The following PCDHGB5 variants were observed in gnomAD, a reference collection of about 807,000 sequenced individuals.
PCDHGB5 encodes protocadherin gamma subfamily B, 5, also known as protocadherin gamma-B5.
A neutral mutation model predicts 62.9 loss-of-function variants in PCDHGB5; 48 were observed. That is an observed-to-expected ratio of 0.76 (90% confidence interval 0.61 to 0.97). PCDHGB5 has a LOEUF of 0.97. PCDHGB5 is among the 50% of genes least tolerant of loss of function. PCDHGB5 has a pLI of 0.00. For missense variants in PCDHGB5, 1,118 were observed against 1,198.6 expected, an observed-to-expected ratio of 0.93 and a Z score of 0.99; for synonymous variants, 474 against 511.2, an observed-to-expected ratio of 0.93 and a Z score of 0.98.
intron 1 of PCDHGB5, among the ~76,000 whole-genome samples, chr5:141,471,692 C>A (rs1293253544): frequency 6.6e-6 from 1 of 152,118 alleles, no homozygotes; most frequent in African/African-American, 2.4e-5. Context: ...TTCTGAAATT[C>A]TGGCTGGAAT....
At chr5:141,414,313 T>C in intron 1 of PCDHGB5, 1 of 1,613,748 alleles carries the variant, frequency 6.2e-7, no homozygotes, top group Non-Finnish European at 8.5e-7. Context: ...TGATTTAGAC[T>C]CTGAGCAGAA....
intron 3 of PCDHGB5, among the ~76,000 whole-genome samples, chr5:141,509,335 G>C (rs113423267): frequency 6.6e-6 from 1 of 152,144 alleles, no homozygotes; most frequent in African/African-American, 2.4e-5. Context: ...CTGCCAGCTG[G>C]GCCTGGGCTG....
intron 1 of PCDHGB5, chr5:141,419,303 G>A (rs1561779463): frequency 1.2e-6 from 2 of 1,613,970 alleles, no homozygotes; most frequent in Non-Finnish European, 1.7e-6. Flanking sequence ...CCCAGACTTC[G>A]GGCTCAACGG....
intron 1 of PCDHGB5, chr5:141,419,146 GCCT>G: frequency 6.2e-7 from 1 of 1,613,922 alleles, no homozygotes; most frequent in East Asian, 2.2e-5. Context: ...ACAGGGGCAA[GCCT>G]CCGTTATCCT....
intron 1 of PCDHGB5, among the ~76,000 whole-genome samples, chr5:141,435,794 C>T (rs993951734): frequency 2.6e-5 from 4 of 151,934 alleles, no homozygotes; most frequent in Admixed American, 6.6e-5. Flanking sequence ...GGAAACATAA[C>T]GTCCCAATTA....
At position 141,490,176 on chromosome 5, in the gene PCDHGB5, G is replaced by T. The variant is rs758876319; in HGVS notation, c.2398-4631G>T. On this transcript the variant is annotated intron_variant, in intron 1 of 3. Transcript: ENST00000617380. This position sits in a 1 kb window ranked among gnomAD's most constrained non-coding sequence, Gnocchi z 5.4. ...TGTTGGGTCCCATAGACTTTGAGGAGTCACGTTTCTATGAAATTCATGCAA... is the reference window on the plus strand; with the variant it reads ...TGTTGGGTCCCATAGACTTTGAGGATTCACGTTTCTATGAAATTCATGCAA... 12 of 1,614,100 alleles carry T rather than the reference G, an allele frequency of 7.4e-6. No homozygotes were observed. Among genetic ancestry groups the T allele is most frequent in the Non-Finnish European group, 1.0e-5 (12 of 1,180,046 alleles).
intron 1 of PCDHGB5, chr5:141,409,794 C>T (rs1345529657): frequency 1.9e-6 from 3 of 1,611,732 alleles, no homozygotes; most frequent in South Asian, 1.1e-5. Flanking sequence ...TTCGCGCTCA[C>T]GCTGCAGGCC....
intron 1 of PCDHGB5, chr5:141,409,987 C>T: frequency 3.1e-6 from 5 of 1,613,288 alleles, no homozygotes; most frequent in Non-Finnish European, 4.2e-6. Context: ...TAGCGGTGGA[C>T]GCCGACTCGG....
rs199552905 is a variant in PCDHGB5 at position 141,423,400 on chromosome 5, C to A, written c.2397+22876C>A. On this transcript the variant is annotated intron_variant, in intron 1 of 3. Transcript: ENST00000617380. Reference sequence around the variant, plus strand: ...GCTGTGGCGCTGGCATAAGTCACGCCTGCTGCAGGCTTCTGAAGGCGGGTT... The same window carrying A: ...GCTGTGGCGCTGGCATAAGTCACGCATGCTGCAGGCTTCTGAAGGCGGGTT... 62 of 1,614,152 alleles carry A rather than the reference C, an allele frequency of 3.8e-5. No homozygotes were observed. The African/African-American group carries it at 6.9e-4, about 18-fold the overall frequency.
intron 1 of PCDHGB5, among the ~76,000 whole-genome samples, chr5:141,452,145 C>T (rs1414317332): frequency 6.6e-6 from 1 of 152,020 alleles, no homozygotes; most frequent in Non-Finnish European, 1.5e-5. Flanking sequence ...GTGTTTTTTC[C>T]AATGAGTTAT....
chr5:141,470,100 G>A (rs1259251144), intron 1 of PCDHGB5, among the ~76,000 whole-genome samples: 2 of 152,178 alleles, frequency 1.3e-5, no homozygotes, highest in African/African-American at 4.8e-5. Context: ...CTACATTCCA[G>A]TCTGAGCAAC....
intron 1 of PCDHGB5, among the ~76,000 whole-genome samples, chr5:141,483,648 T>TTGTGTGTG (rs111458813): frequency 0.019 from 2,886 of 149,692 alleles, 51 homozygotes; most frequent in African/African-American, 0.054. Flanking sequence ...GGGTGTGTGT[T>TTGTGTGTG]TGTGTGTGTG....
rs768383792 is a variant in PCDHGB5 at position 141,476,155 on chromosome 5, C to A, written c.2398-18652C>A. 1.2e-6 allele frequency: 2 copies of A among 1,612,382 alleles called. No homozygotes were observed. Among genetic ancestry groups the A allele is most frequent in the Non-Finnish European group, 1.7e-6 (2 of 1,179,764 alleles). On this transcript the variant is annotated intron_variant, in intron 1 of 3. Coordinates refer to ENST00000617380, the MANE Select transcript of PCDHGB5 (RefSeq NM_018925.3). This position sits in a 1 kb window ranked among gnomAD's most constrained non-coding sequence, Gnocchi z 7.6. ...CCTGGAGGAGCGGACTGGTAAGCAC[C>A]GGGAGGGTAGTGGGAGTTTTGCTTC... is the stretch of plus-strand genomic sequence containing the variant.
Position 141,399,048 on chromosome 5 carries a change from G to C in PCDHGB5, c.921G>C (p.Glu307Asp), listed in dbSNP as rs779434482. 7 of 1,613,830 alleles carry C rather than the reference G, an allele frequency of 4.3e-6. No individual in the cohort carries two copies. Among genetic ancestry groups the C allele is most frequent in the Non-Finnish European group, 5.1e-6 (6 of 1,179,828 alleles). ...CTCAAAAGAAACTGGATTTTGAAGA[G>C]ACCAAGGAATATTCAATGGTTGTAG... ...ITTQKKLDFEETKEYSMVVEG... is the reference protein window; with the variant it reads ...ITTQKKLDFEDTKEYSMVVEG... The change falls in exon 1 of 4, where the codon GAG becomes GAC. Residue 307 changes from glutamate to aspartate, a missense_variant. Transcript: ENST00000617380.
chr5:141,428,744 T>C (rs939886054), intron 1 of PCDHGB5: 10 of 155,306 alleles, frequency 6.4e-5, no homozygotes, highest in African/African-American at 2.4e-4. Context: ...ATATCTACTA[T>C]TGCTTCAGGT....
Position 141,505,420 on chromosome 5 carries a change from C to G in PCDHGB5, c.2484C>G (p.Thr828=), listed in dbSNP as rs1236398971. 6.2e-7 allele frequency: 1 copy of G among 1,614,102 alleles called. No individual in the cohort carries two copies. Among genetic ancestry groups the G allele is most frequent in the Non-Finnish European group, 8.5e-7 (1 of 1,180,034 alleles). ...SGSQNGDDTG[T]WPNNQFDTEM... is the part of the protein sequence containing the mutation. ...CCCAAAATGGCGATGACACCGGCACCTGGCCCAACAACCAGTTTGACACAG... is the reference window on the plus strand; with the variant it reads ...CCCAAAATGGCGATGACACCGGCACGTGGCCCAACAACCAGTTTGACACAG... The change falls in exon 3 of 4, where the codon ACC becomes ACG. Residue 828 remains threonine (T), a synonymous_variant. Coordinates refer to ENST00000617380, the MANE Select transcript of PCDHGB5 (RefSeq NM_018925.3).
intron 1 of PCDHGB5, chr5:141,478,760 C>T (rs1472984737): frequency 1.5e-5 from 23 of 1,510,888 alleles, no homozygotes; most frequent in Non-Finnish European, 1.9e-5. Context: ...GGGGAAGATA[C>T]TTGACTCATC....
In PCDHGB5 at chr5:141,476,714, C is replaced by G. The variant is rs146188020; in HGVS notation, c.2398-18093C>G. 3.1e-6 allele frequency: 5 copies of G among 1,614,036 alleles called. No individual in the cohort carries two copies. Among genetic ancestry groups the G allele is most frequent in the African/African-American group, 2.7e-5 (2 of 74,938 alleles). ...CAAGTACGCGGAGCTGGTGTTGGAGCGCGCCCTGGACCGAGAACGGGAGCC... is the reference window on the plus strand; with the variant it reads ...CAAGTACGCGGAGCTGGTGTTGGAGGGCGCCCTGGACCGAGAACGGGAGCC... On this transcript the variant is annotated intron_variant, in intron 1 of 3. Transcript: ENST00000617380. This position sits in a 1 kb window ranked among gnomAD's most constrained non-coding sequence, Gnocchi z 7.6.
intron 1 of PCDHGB5, among the ~76,000 whole-genome samples, chr5:141,469,045 G>C (rs35157158): frequency 1.4e-3 from 207 of 152,234 alleles, no homozygotes; most frequent in Middle Eastern, 0.01. Flanking sequence ...GGGAGGCCAA[G>C]GTGGGAGGAT....
Sources: allele counts gnomAD v4.1 joint callset (sites outside exome capture counted in the v4.1 genomes callset), GRCh38; gene constraint gnomAD v4.1.1; non-coding constraint Gnocchi (gnomAD v3.1); transcripts MANE v1.5; gene names NCBI Gene and HGNC (gene_info 2026-07-23, HGNC 2026-07-21).